The following DNAH10 variants were observed in gnomAD, a reference collection of about 807,000 sequenced individuals.
DNAH10 encodes the protein axonemal beta dynein heavy chain 10.
A neutral mutation model predicts 506.6 loss-of-function variants in DNAH10; 348 were observed. The ratio of observed to expected loss-of-function variants is 0.69; its 90% CI spans 0.63 to 0.75. DNAH10 has a LOEUF of 0.75. Among genes scored for constraint, DNAH10 ranks in the 30% least tolerant of loss-of-function variants. DNAH10 has a pLI of 0.00. For missense variants in DNAH10, 5,179 were observed against 5,787.1 expected, an observed-to-expected ratio of 0.89 and a Z score of 3.41; for synonymous variants, 2,059 against 2,198.6, an observed-to-expected ratio of 0.94 and a Z score of 1.78.
intron 72 of DNAH10, 144 bp downstream of exon 72, chr12:123,929,903 C>CT (rs1293629311): frequency 2.8e-6 from 2 of 707,332 alleles, no homozygotes; most frequent in African/African-American, 3.6e-5. Flanking sequence ...TCTCTCTGCT[C>CT]TCACCTGGTT....
chr12:123,836,422 T>C lies in DNAH10; in HGVS notation c.4902+894T>C, dbSNP rs1294851650. 1.4e-4 allele frequency among the ~76,000 whole-genome samples: 22 copies of C among 152,198 alleles called. 1 individual carries two copies. On this transcript the variant is annotated intron_variant, in intron 28 of 78. Transcript: ENST00000673944. ...AGGTTCTTGCCTAATGCTTTTTCCATAGTTAGAGTGAATGTCTTAAGATAG... is the reference window on the plus strand; with the variant it reads ...AGGTTCTTGCCTAATGCTTTTTCCACAGTTAGAGTGAATGTCTTAAGATAG...
Position 123,866,489 on chromosome 12 carries a change from C to T in DNAH10, c.7167+416C>T, listed in dbSNP as rs538508174. ...CGATCTCTTGAGCTCGTGATCTGCCCGCCTCAGCCTCCCAAAGTGCTGGGA... is the reference window on the plus strand; with the variant it reads ...CGATCTCTTGAGCTCGTGATCTGCCTGCCTCAGCCTCCCAAAGTGCTGGGA... On this transcript the variant is annotated intron_variant, in intron 41 of 78. Coordinates refer to ENST00000673944, the MANE Select transcript of DNAH10 (RefSeq NM_001372106.1). Among the ~76,000 whole-genome samples, 171 of 151,958 alleles carry T rather than the reference C, an allele frequency of 1.1e-3. 1 individual carries two copies. Among genetic ancestry groups the T allele is most frequent in the African/African-American group, 3.6e-3 (150 of 41,472 alleles).
chr12:123,768,614 ACT>A (rs1957137415), intron 2 of DNAH10, among the ~76,000 whole-genome samples: 2 of 152,148 alleles, frequency 1.3e-5, no homozygotes, highest in African/African-American at 4.8e-5. Flanking sequence ...ACATACAAAC[ACT>A]CATGCAGGCG....
At chr12:123,824,407 C>T (rs1442676874) in intron 24 of DNAH10, among the ~76,000 whole-genome samples, 1 of 152,110 alleles carries the variant, frequency 6.6e-6, no homozygotes, top group Admixed American at 6.5e-5. Flanking sequence ...GTCTGGAGCT[C>T]AGAGGAGAGC....
At chr12:123,922,108 C>T (rs1954756077) in intron 65 of DNAH10, among the ~76,000 whole-genome samples, 1 of 152,042 alleles carries the variant, frequency 6.6e-6, no homozygotes, top group African/African-American at 2.4e-5. Flanking sequence ...GGCGCGGTGG[C>T]TCACTCCTGT....
In DNAH10 at chr12:123,925,332, A is replaced by G. The variant is rs968866256; in HGVS notation, c.11921+128A>G. On this transcript the variant is annotated intron_variant, in intron 68 of 78. Coordinates refer to ENST00000673944, the MANE Select transcript of DNAH10 (RefSeq NM_001372106.1). The surrounding 1 kb of genome is among the most constrained non-coding windows in gnomAD (Gnocchi z 4.0). The stretch of plus-strand genomic sequence containing the variant: ...ACAGCTGTCGCCACCCTGCTGTACA[A>G]TATTCGATAGCCGATATTCTAGAAT... The G allele has an allele frequency of 8.3e-7, 1 of 1,202,552 alleles. No individual in the cohort carries two copies. The highest frequency in any genetic ancestry group is 1.2e-6 in the Non-Finnish European group (1 of 856,332). The allele number at this position is 1,202,552 out of a possible 1,614,324, so 74.5% of individuals were successfully genotyped here. A position where few individuals can be genotyped will look rare whatever the true frequency, so the allele number is the denominator to read the frequency against.
At chr12:123,769,143 A>G (rs1311338449) in intron 2 of DNAH10, among the ~76,000 whole-genome samples, 2 of 152,014 alleles carry the variant, frequency 1.3e-5, no homozygotes, top group African/African-American at 4.8e-5. Flanking sequence ...CCTTGTTTAA[A>G]GTGGGTTTTT....
rs548371089 is a variant in DNAH10 at position 123,902,500 on chromosome 12, C to T, written c.9641-439C>T. ...GTCAGCAAGGAAGGGAGAGAGAGGA[C>T]GACAGAGGGGCAGGCTCCTTAGAGG... On this transcript the variant is annotated intron_variant, in intron 56 of 78. Transcript: ENST00000673944. This position sits in a 1 kb window ranked among gnomAD's most constrained non-coding sequence, Gnocchi z 4.5. Among the ~76,000 whole-genome samples, 1 of 152,244 alleles carries T rather than the reference C, an allele frequency of 6.6e-6. No homozygotes were observed. The highest frequency in any genetic ancestry group is 1.9e-4 in the East Asian group (1 of 5,172).
At position 123,933,486 on chromosome 12, in the gene DNAH10, T is replaced by A. The variant is rs754585726; in HGVS notation, c.13452T>A (p.Asp4484Glu). The A allele has an allele frequency of 6.2e-7, 1 of 1,607,894 alleles. No homozygotes were observed. Among genetic ancestry groups the A allele is most frequent in the Non-Finnish European group, 8.5e-7 (1 of 1,176,500 alleles). The stretch of plus-strand genomic sequence containing the variant: ...AAGTGACCAAGTTCCAGGATGCAGA[T>A]GAAGTGAATGAGCGGGCGGGACAAG... ...FTQVTKFQDA[D>E]EVNERAGQGC... is the part of the protein sequence containing the mutation. The change falls in exon 77 of 79, where the codon GAT becomes GAA. Residue 4484 changes from aspartate to glutamate, a missense_variant. By Grantham distance (45) the Asp-to-Glu change is conservative. Around this residue, in one of 3 missense-constraint regions of DNAH10, gnomAD observed 4,844 missense variants for 5,430.5 expected, o/e 0.89. Coordinates refer to ENST00000673944, the MANE Select transcript of DNAH10 (RefSeq NM_001372106.1).
intron 65 of DNAH10, 32 bp downstream of exon 65, chr12:123,918,981 G>A: frequency 2.0e-6 from 3 of 1,526,546 alleles, no homozygotes; most frequent in South Asian, 1.3e-5. Context: ...GGACATGTTA[G>A]TGTAGTTTGG....
chr12:123,886,070 A>T (rs577109530), intron 51 of DNAH10, among the ~76,000 whole-genome samples: 1 of 152,354 alleles, frequency 6.6e-6, no homozygotes, highest in East Asian at 1.9e-4. Context: ...GAAATACATA[A>T]TTGAAATCAT....
rs150020475 is a variant in DNAH10 at position 123,786,681 on chromosome 12, G to GTGTGTGTGTGTGCACACACA, written c.1421+745_1421+746insTGTGTGTGTGTGCACACACA. 8.5e-4 allele frequency among the ~76,000 whole-genome samples: 107 copies of GTGTGTGTGTGTGCACACACA among 125,584 alleles called. 1 individual carries two copies. The highest frequency in any genetic ancestry group is 3.2e-3 in the African/African-American group (97 of 30,234). The allele number at this position is 125,584 out of a possible 152,430, so 82.4% of individuals were successfully genotyped here. On this transcript the variant is annotated intron_variant, in intron 9 of 78. Transcript: ENST00000673944. ...GTTTCAGATACATATATGTGTGTGT[G>GTGTGTGTGTGTGCACACACA]CACACACATATATCTACATGAAATT...
At chr12:123,814,108 C>T in intron 21 of DNAH10, 196 bp downstream of exon 21, 1 of 519,646 alleles carries the variant, frequency 1.9e-6, no homozygotes, top group Non-Finnish European at 3.3e-6. Flanking sequence ...ATCTGTATGG[C>T]TCAAATGGAT....
Position 123,813,621 on chromosome 12 carries a change from A to G in DNAH10, c.3602A>G (p.Asn1201Ser), listed in dbSNP as rs142563005. The change falls in exon 20 of 79, where the codon AAT (asparagine) becomes AGT (serine). Residue 1201 changes from asparagine to serine, a missense_variant. By Grantham distance (46) the Asn-to-Ser change is conservative. This residue lies in a region of DNAH10 where 4,844 missense variants were observed against 5,430.5 expected (regional missense o/e 0.89). Transcript: ENST00000673944. ...GAGTCAGCAAAAGAGGAGCTCTATAATCTCCATGAAGAGATGGAGGTACTC... is the reference window on the plus strand; with the variant it reads ...GAGTCAGCAAAAGAGGAGCTCTATAGTCTCCATGAAGAGATGGAGGTACTC... ...LNESAKEELY[N>S]LHEEMEHLAK... 1.2e-6 allele frequency: 2 copies of G among 1,614,144 alleles called. No homozygotes were observed. The highest frequency in any genetic ancestry group is 1.7e-6 in the Non-Finnish European group (2 of 1,180,000).
At chr12:123,796,601 C>T in intron 12 of DNAH10, 55 bp from the exon 13 acceptor site, 3 of 1,485,686 alleles carry the variant, frequency 2.0e-6, no homozygotes, top group Non-Finnish European at 2.7e-6. Flanking sequence ...TCTCATCTTT[C>T]TTGGCTAACC....
chr12:123,786,087 C>A, intron 9 of DNAH10, 151 bp downstream of exon 9: 1 of 978,438 alleles, frequency 1.0e-6, no homozygotes. Flanking sequence ...CACAGTGGTG[C>A]ACACCTGTAA....
At position 123,762,515 on chromosome 12, in the gene DNAH10, G is replaced by A; in HGVS notation, c.179G>A (p.Arg60His). ...GGGCCCTCGGCGCTCTTCATCTACC[G>A]CACTATGGTGCCGGAGGAGGTGGAG... ...EEGPSALFIY[R>H]TMVPEEVEVE... Residue 60 changes from arginine (R) to histidine (H), a missense_variant, in exon 1 of 79, where the codon CGC becomes CAC. Around this residue, in one of 3 missense-constraint regions of DNAH10, gnomAD observed 326 missense variants for 330.8 expected, o/e 0.99. Transcript: ENST00000673944. The surrounding 1 kb of genome is among the most constrained non-coding windows in gnomAD (Gnocchi z 5.0). 1.9e-6 allele frequency: 3 copies of A among 1,553,096 alleles called. No individual in the cohort carries two copies. The highest frequency in any genetic ancestry group is 1.2e-5 in the South Asian group (1 of 83,266).
intron 2 of DNAH10, among the ~76,000 whole-genome samples, chr12:123,767,972 A>T (rs908272172): frequency 6.6e-6 from 1 of 152,172 alleles, no homozygotes; most frequent in Non-Finnish European, 1.5e-5. Context: ...CTCCCTCTGC[A>T]GGACCAAGGG....
Position 123,917,953 on chromosome 12 carries a change from G to A in DNAH10, c.11232+140G>A, listed in dbSNP as rs774637173. 8.8e-6 allele frequency: 8 copies of A among 903,968 alleles called. No homozygotes were observed. Among genetic ancestry groups the A allele is most frequent in the Admixed American group, 2.6e-5 (1 of 38,194 alleles). The allele number at this position is 903,968 out of a possible 1,614,324, so 56.0% of individuals were successfully genotyped here. On this transcript the variant is annotated intron_variant, in intron 64 of 78. Transcript: ENST00000673944. The surrounding 1 kb of genome is among the most constrained non-coding windows in gnomAD (Gnocchi z 5.6). Reference sequence around the variant, plus strand: ...AAACCCACCTCTATTGGGATGTGCTGTGGGGAGGGGAGCCCTAAAGGTGTT... The same window carrying A: ...AAACCCACCTCTATTGGGATGTGCTATGGGGAGGGGAGCCCTAAAGGTGTT...
Sources: allele counts gnomAD v4.1 joint callset (sites outside exome capture counted in the v4.1 genomes callset), GRCh38; gene constraint gnomAD v4.1.1; regional missense constraint gnomAD v4.1.1; non-coding constraint Gnocchi (gnomAD v3.1); transcripts MANE v1.5; gene names NCBI Gene and HGNC (gene_info 2026-07-23, HGNC 2026-07-21).